Variants in DCDC1 observed in about 807,000 individuals in gnomAD.
DCDC1 encodes the protein doublecortin domain containing 1, also known as doublecortin domain-containing protein 1.
Under a neutral mutation model 178.3 loss-of-function variants are expected in DCDC1, and 200 were observed. That is an observed-to-expected ratio of 1.12 (90% CI 1.00 to 1.26). DCDC1 has a LOEUF of 1.26. Ranked by LOEUF, DCDC1 falls within the 50% of genes most tolerant of loss-of-function variation. The probability of loss-of-function intolerance (pLI) is 0.00; values close to 1 mark genes in which losing one functional copy is unlikely to be tolerated. For synonymous variants in DCDC1, 690 were observed against 604.8 expected, an observed-to-expected ratio of 1.14 and a Z score of -2.07; for missense variants, 1,983 against 1,749.2, an observed-to-expected ratio of 1.13 and a Z score of -2.38.
At chr11:30,960,508 C>T (rs1041659058) in intron 20 of DCDC1, among the ~76,000 whole-genome samples, 2 of 152,136 alleles carry the variant, frequency 1.3e-5, no homozygotes, top group African/African-American at 4.8e-5. Flanking sequence ...ATAATGACAA[C>T]ACATGTGCAC....
In DCDC1 at chr11:30,978,531, A is replaced by G. The variant is rs1950217900; in HGVS notation, c.2592-25963T>C. Among the ~76,000 whole-genome samples, 5 of 152,202 alleles carry G rather than the reference A, an allele frequency of 3.3e-5. No homozygotes were observed. In the South Asian group the frequency reaches 1.0e-3, roughly 32 times the overall value. On this transcript the variant is annotated intron_variant, in intron 20 of 38. Transcript: ENST00000684477. Reference sequence around the variant, plus strand: ...TGTACATATTTATGGGGTAAATGTGATATTTTGTTCCATGCATAGAATGTG... The same window carrying G: ...TGTACATATTTATGGGGTAAATGTGGTATTTTGTTCCATGCATAGAATGTG...
At chr11:30,924,532 C>A (rs188456815) in intron 23 of DCDC1, among the ~76,000 whole-genome samples, 41 of 152,142 alleles carry the variant, frequency 2.7e-4, no homozygotes, top group African/African-American at 9.6e-4. Flanking sequence ...TGCTAAAGTC[C>A]TTCCACTTTT....
At chr11:31,083,245 G>C (rs191460998) in intron 17 of DCDC1, among the ~76,000 whole-genome samples, 2 of 152,288 alleles carry the variant, frequency 1.3e-5, no homozygotes, top group Admixed American at 1.3e-4. Flanking sequence ...AAGATTACTT[G>C]AAATTGGACA....
chr11:31,255,191 C>T (rs1244081262), intron 8 of DCDC1, among the ~76,000 whole-genome samples: 6 of 152,162 alleles, frequency 3.9e-5, no homozygotes, highest in African/African-American at 1.4e-4. Flanking sequence ...AGTTGCAGGA[C>T]ATTTGGCTTC....
At position 31,091,430 on chromosome 11, in the gene DCDC1, T is replaced by G; in HGVS notation, c.2200A>C (p.Thr734Pro). ...ATTAATTTATATCCTTCTAGTGATG[T>G]TCCCTCAGCAGCCTTGACTCTGATA... ...HPIRVKAAEG[T>P]SLEGYKLILQ... Residue 734 changes from threonine (T) to proline (P), a missense_variant, in exon 17 of 39, where the codon ACA becomes CCA. Physicochemically the swap from Thr to Pro is conservative, Grantham distance 38. Transcript: ENST00000684477. 1.3e-6 allele frequency: 1 copy of G among 760,882 alleles called. No individual in the cohort carries two copies. Among genetic ancestry groups the G allele is most frequent in the Non-Finnish European group, 2.4e-6 (1 of 415,236 alleles). 47.1% of individuals were successfully genotyped at this position (760,882 alleles called of 1,614,324 possible).
intron 9 of DCDC1, among the ~76,000 whole-genome samples, chr11:31,182,396 C>T (rs909823704): frequency 1.3e-5 from 2 of 152,150 alleles, no homozygotes; most frequent in East Asian, 1.9e-4. Flanking sequence ...GAAACCCTAC[C>T]AGGCAGAAGA....
intron 1 of DCDC1, among the ~76,000 whole-genome samples, chr11:31,345,210 C>T (rs1950752780): frequency 1.3e-5 from 2 of 152,064 alleles, no homozygotes; most frequent in Admixed American, 1.3e-4. Flanking sequence ...TTATGTAAGA[C>T]AGAGTAGCCT....
At chr11:30,954,182 T>A (rs1046580904) in intron 20 of DCDC1, among the ~76,000 whole-genome samples, 3 of 151,476 alleles carry the variant, frequency 2.0e-5, no homozygotes, top group African/African-American at 7.3e-5. Flanking sequence ...CGCCCGGCTA[T>A]TTTTTTGTAT....
chr11:31,300,589 C>T (rs948631211), intron 6 of DCDC1, among the ~76,000 whole-genome samples: 28 of 151,518 alleles, frequency 1.8e-4, no homozygotes, highest in African/African-American at 6.3e-4. Flanking sequence ...GTCTAGTGTC[C>T]TTTAAAATAA....
chr11:31,054,298 C>CT (rs1396737142), intron 20 of DCDC1, among the ~76,000 whole-genome samples: 6 of 150,084 alleles, frequency 4.0e-5, no homozygotes, highest in Non-Finnish European at 8.9e-5. Context: ...CAAAAGACCT[C>CT]TACAAGGAAA....
At chr11:30,999,189 T>G (rs975502838) in intron 20 of DCDC1, among the ~76,000 whole-genome samples, 4 of 152,172 alleles carry the variant, frequency 2.6e-5, no homozygotes, top group African/African-American at 9.6e-5. Flanking sequence ...TATCCTGGAT[T>G]AAACCTGGGA....
At chr11:30,935,224 T>C (rs1034095985) in intron 21 of DCDC1, among the ~76,000 whole-genome samples, 1 of 152,186 alleles carries the variant, frequency 6.6e-6, no homozygotes, top group Non-Finnish European at 1.5e-5. Context: ...TATGTTACTG[T>C]CCAACCCTGA....
intron 15 of DCDC1, among the ~76,000 whole-genome samples, chr11:31,094,388 T>C (rs1365590800): frequency 4.6e-5 from 7 of 152,178 alleles, no homozygotes; most frequent in African/African-American, 1.7e-4. Context: ...CTATGCTGTG[T>C]GGTGTGGAAT....
At chr11:31,001,182 T>C (rs1474048155) in intron 20 of DCDC1, among the ~76,000 whole-genome samples, 2 of 152,348 alleles carry the variant, frequency 1.3e-5, no homozygotes, top group South Asian at 2.1e-4. Context: ...TATTGACTCA[T>C]GGATTCTTAT....
intron 18 of DCDC1, among the ~76,000 whole-genome samples, chr11:31,073,582 C>T (rs1004664648): frequency 6.6e-6 from 1 of 152,130 alleles, no homozygotes; most frequent in African/African-American, 2.4e-5. Flanking sequence ...AAAAATTCTA[C>T]TTTTTATTTT....
intron 9 of DCDC1, among the ~76,000 whole-genome samples, chr11:31,177,964 T>C (rs915422487): frequency 5.3e-5 from 8 of 152,038 alleles, no homozygotes; most frequent in Non-Finnish European, 1.0e-4. Context: ...CAACACACCA[T>C]TGATCATCTA....
At chr11:31,130,578 C>T (rs2135954228) in intron 10 of DCDC1, among the ~76,000 whole-genome samples, 1 of 152,316 alleles carries the variant, frequency 6.6e-6, no homozygotes, top group South Asian at 2.1e-4. Flanking sequence ...AAAATGAATA[C>T]TTGTTTTAAG....
At chr11:31,073,525 T>C (rs1956692728) in intron 18 of DCDC1, among the ~76,000 whole-genome samples, 1 of 152,236 alleles carries the variant, frequency 6.6e-6, no homozygotes, top group African/African-American at 2.4e-5. Context: ...TTCATAATTA[T>C]GTGCAGGCAC....
intron 9 of DCDC1, among the ~76,000 whole-genome samples, chr11:31,209,167 T>C (rs552508898): frequency 1.6e-4 from 25 of 152,276 alleles, no homozygotes; most frequent in African/African-American, 5.1e-4. Flanking sequence ...ATTGTAGAAA[T>C]ACAAAATTTG....
Sources: gnomAD v4.1 joint callset for allele counts (sites outside exome capture counted in the v4.1 genomes callset) on GRCh38, gnomAD v4.1.1 for gene constraint, MANE v1.5 for transcripts, NCBI Gene and HGNC (gene_info 2026-07-23, HGNC 2026-07-21) for gene names.